SLC44A5: variants seen among roughly 807,000 people sequenced by gnomAD.
The protein encoded by SLC44A5 is solute carrier family 44 member 5.
A neutral mutation model predicts 101.8 loss-of-function variants in SLC44A5; 57 were observed. The observed-to-expected ratio is 0.56, with a 90% confidence interval of 0.45 to 0.70. The LOEUF is 0.70. SLC44A5 is among the 30% of genes least tolerant of loss of function. The pLI, the probability that SLC44A5 is intolerant of heterozygous loss-of-function variation, is 0.00. For missense variants in SLC44A5, 737 were observed against 853.1 expected, an observed-to-expected ratio of 0.86 and a Z score of 1.70; for synonymous variants, 281 against 290.9, an observed-to-expected ratio of 0.97 and a Z score of 0.35.
At chr1:75,646,560 T>G in the SLC44A5 span, among the ~76,000 whole-genome samples, 1 of 152,084 alleles carries the variant, frequency 6.6e-6, no homozygotes, top group South Asian at 2.1e-4. Context: ...GCAACCCAAA[T>G]TGTAATCCCC....
At position 75,484,795 on chromosome 1, in the gene SLC44A5, C is replaced by T. The variant is rs115484074; in HGVS notation, c.13+56640G>A. ...AGGTGGAGGCTCCCAAAGCTCAACT[C>T]TTGCCTTCTGCACAACTGTAAGCCC... On this transcript the variant is annotated intron_variant, in intron 2 of 23. Coordinates refer to ENST00000370859, the MANE Select transcript of SLC44A5 (RefSeq NM_001130058.2). Among the ~76,000 whole-genome samples the T allele has an allele frequency of 5.8e-3, 883 of 152,374 alleles. 3 individuals carry two copies. The highest frequency in any genetic ancestry group is 0.02 in the African/African-American group (846 of 41,596).
At chr1:75,561,016 C>T (rs1672489379) in intron 1 of SLC44A5, among the ~76,000 whole-genome samples, 1 of 152,080 alleles carries the variant, frequency 6.6e-6, no homozygotes, top group African/African-American at 2.4e-5. Context: ...TACTTCTCGC[C>T]AAGACTCCCA....
chr1:75,645,651 T>G, the SLC44A5 span, among the ~76,000 whole-genome samples: 1 of 150,628 alleles, frequency 6.6e-6, no homozygotes, highest in Non-Finnish European at 1.5e-5. Flanking sequence ...ATTTGTCAAT[T>G]TTGGCTTTTG....
chr1:75,471,556 T>A (rs1015538671), intron 2 of SLC44A5, among the ~76,000 whole-genome samples: 3 of 152,098 alleles, frequency 2.0e-5, no homozygotes, highest in Admixed American at 6.5e-5. Flanking sequence ...ATGCCCTCAA[T>A]CAAGCAAAAG....
intron 6 of SLC44A5, among the ~76,000 whole-genome samples, chr1:75,269,147 A>G (rs1053522778): frequency 4.6e-5 from 7 of 152,234 alleles, no homozygotes; most frequent in African/African-American, 1.7e-4. Context: ...TAAGACAAAA[A>G]TAATATTTTA....
the SLC44A5 span, among the ~76,000 whole-genome samples, chr1:75,616,631 G>A: frequency 6.6e-6 from 1 of 152,188 alleles, no homozygotes; most frequent in Non-Finnish European, 1.5e-5. Context: ...CGAATTCCAC[G>A]CGGGCGATGA....
At chr1:75,677,188 A>G in the SLC44A5 span, among the ~76,000 whole-genome samples, 2 of 152,208 alleles carry the variant, frequency 1.3e-5, no homozygotes, top group Non-Finnish European at 2.9e-5. Flanking sequence ...AACAGTAAAT[A>G]CAGAAAAAAA....
At chr1:75,273,996 T>C (rs1322931745) in intron 6 of SLC44A5, among the ~76,000 whole-genome samples, 1 of 152,164 alleles carries the variant, frequency 6.6e-6, no homozygotes, top group Non-Finnish European at 1.5e-5. Context: ...TGAATTCATC[T>C]GATTTTGGAC....
Position 75,219,874 on chromosome 1 carries a change from A to G in SLC44A5, c.1104T>C (p.Pro368=). ...KEGSKAIGYV[P]STLVYPALTF... is the part of the protein sequence containing the mutation. ...TTAAAGCTGGATAGACTAATGTACTAGGAACATATCCAATGGCTCTGAAAT... is the reference window on the plus strand; with the variant it reads ...TTAAAGCTGGATAGACTAATGTACTGGGAACATATCCAATGGCTCTGAAAT... The change falls in exon 15 of 24, where the codon CCT becomes CCC. Residue 368 remains proline, a synonymous_variant. Coordinates refer to ENST00000370859, the MANE Select transcript of SLC44A5 (RefSeq NM_001130058.2). The G allele has an allele frequency of 3.1e-6, 5 of 1,609,532 alleles. No individual in the cohort carries two copies. The highest frequency in any genetic ancestry group is 4.2e-6 in the Non-Finnish European group (5 of 1,176,686).
At chr1:75,206,854 G>A (rs1646758242) in intron 23 of SLC44A5, 2 of 565,930 alleles carry the variant, frequency 3.5e-6, no homozygotes, top group Non-Finnish European at 6.2e-6. Context: ...ACAAATTAGT[G>A]CAGTTTACTT....
intron 2 of SLC44A5, among the ~76,000 whole-genome samples, chr1:75,404,858 A>G (rs1217785737): frequency 6.6e-6 from 1 of 152,242 alleles, no homozygotes; most frequent in Non-Finnish European, 1.5e-5. Flanking sequence ...ATTAACCTTC[A>G]ATGTAAATGA....
intron 3 of SLC44A5, among the ~76,000 whole-genome samples, chr1:75,396,187 G>C (rs1662112340): frequency 6.6e-6 from 1 of 152,132 alleles, no homozygotes; most frequent in Admixed American, 6.6e-5. Context: ...GTCGGAAAAA[G>C]AAGACTGAAT....
chr1:75,694,677 A>G, the SLC44A5 span, among the ~76,000 whole-genome samples: 1 of 152,150 alleles, frequency 6.6e-6, no homozygotes, highest in Non-Finnish European at 1.5e-5. Context: ...ATATTTACTA[A>G]TAGAAACAAT....
At chr1:75,613,186 A>T (rs1424027650), upstream of SLC44A5, among the ~76,000 whole-genome samples, 1 of 152,222 alleles carries the variant, frequency 6.6e-6, no homozygotes, top group Non-Finnish European at 1.5e-5. Context: ...CTAAGCAGAG[A>T]AGCAGCTCTT....
chr1:75,653,802 T>A, the SLC44A5 span, among the ~76,000 whole-genome samples: 1 of 152,230 alleles, frequency 6.6e-6, no homozygotes, highest in Non-Finnish European at 1.5e-5. Flanking sequence ...AGAAGGCAAC[T>A]TGGTGGTGCC....
At chr1:75,630,539 T>G in the SLC44A5 span, among the ~76,000 whole-genome samples, 1 of 152,106 alleles carries the variant, frequency 6.6e-6, no homozygotes, top group East Asian at 1.9e-4. Context: ...TAGAAAAGCC[T>G]CTCCTTAACC....
chr1:75,213,621 G>A (rs917261084), intron 22 of SLC44A5, 84 bp downstream of exon 22: 1 of 1,009,492 alleles, frequency 9.9e-7, no homozygotes, highest in Non-Finnish European at 1.5e-6. Context: ...AGAACTGTGA[G>A]GAATAAATTT....
intron 2 of SLC44A5, among the ~76,000 whole-genome samples, chr1:75,482,008 T>G (rs1667887921): frequency 6.6e-6 from 1 of 152,062 alleles, no homozygotes; most frequent in South Asian, 2.1e-4. Flanking sequence ...TAGCAAAGAC[T>G]TGGAACCAAC....
chr1:75,407,797 A>G (rs1356381228), intron 2 of SLC44A5, among the ~76,000 whole-genome samples: 2 of 152,232 alleles, frequency 1.3e-5, no homozygotes, highest in Non-Finnish European at 1.5e-5. Context: ...GGACATAGGC[A>G]TGGGCAAAGG....
Sources: allele counts gnomAD v4.1 joint callset (sites outside exome capture counted in the v4.1 genomes callset), GRCh38; gene constraint gnomAD v4.1.1; transcripts MANE v1.5; gene names NCBI Gene and HGNC (gene_info 2026-07-23, HGNC 2026-07-21).